The following STPG2 variants were observed in gnomAD, a reference collection of about 807,000 sequenced individuals.
STPG2 encodes the protein sperm tail PG-rich repeat containing 2, also known as sperm-tail PG-rich repeat-containing protein 2.
A neutral mutation model predicts 54.2 loss-of-function variants in STPG2; 56 were observed. The ratio of observed to expected loss-of-function variants is 1.03; its 90% confidence interval spans 0.83 to 1.29. The LOEUF (loss-of-function observed/expected upper bound fraction) is 1.29. STPG2 is among the 50% of genes most tolerant of loss of function. The pLI is 0.00. For synonymous variants in STPG2, 200 were observed against 181.8 expected (o/e 1.10, Z -0.81); for missense variants, 596 against 544.9 (o/e 1.09, Z -0.93).
chr4:97,638,556 C>A (rs1213785799), intron 10 of STPG2, among the ~76,000 whole-genome samples: 1 of 151,068 alleles, frequency 6.6e-6, no homozygotes, highest in East Asian at 1.9e-4. Flanking sequence ...AGTGAACAGG[C>A]AACCTACAAA....
rs182774603 is a variant in STPG2 at position 98,102,697 on chromosome 4, C to T, written c.612+3256G>A. Among the ~76,000 whole-genome samples, 1,080 of 151,886 alleles carry T rather than the reference C, an allele frequency of 7.1e-3. 15 individuals are homozygous for T. The highest frequency in any genetic ancestry group is 7.6e-3 in the Non-Finnish European group (518 of 67,950). On this transcript the variant is annotated intron_variant, in intron 5 of 10. Coordinates refer to ENST00000295268, the MANE Select transcript of STPG2 (RefSeq NM_174952.3). Reference sequence around the variant, plus strand: ...TATGCTCCCCCCAAAATTAAAATGTCTCTCATTCTGTTATCTTTTCAATCG... The same window carrying T: ...TATGCTCCCCCCAAAATTAAAATGTTTCTCATTCTGTTATCTTTTCAATCG...
intron 10 of STPG2, among the ~76,000 whole-genome samples, chr4:97,570,679 A>C (rs932119491): frequency 6.6e-6 from 1 of 152,194 alleles, no homozygotes; most frequent in African/African-American, 2.4e-5. Flanking sequence ...TACATTAACA[A>C]GGTTTACTCA....
At chr4:97,936,649 C>A (rs1270238432) in intron 8 of STPG2, among the ~76,000 whole-genome samples, 1 of 152,092 alleles carries the variant, frequency 6.6e-6, no homozygotes, top group Non-Finnish European at 1.5e-5. Flanking sequence ...CTTAGTTTGG[C>A]CAGATATGAA....
At chr4:98,046,548 T>G (rs1737134664) in intron 5 of STPG2, among the ~76,000 whole-genome samples, 1 of 152,118 alleles carries the variant, frequency 6.6e-6, no homozygotes, top group South Asian at 2.1e-4. Context: ...TCATCTTTGC[T>G]CTTACCGTCC....
At chr4:97,543,536 C>T (rs755107413) in intron 4 of STPG2, among the ~76,000 whole-genome samples, 15 of 151,986 alleles carry the variant, frequency 9.9e-5, no homozygotes, top group South Asian at 8.3e-4. Context: ...TGAAGAAACA[C>T]GCCAAACAAT....
chr4:98,129,889 C>T (rs1739934053), intron 2 of STPG2, among the ~76,000 whole-genome samples: 1 of 152,104 alleles, frequency 6.6e-6, no homozygotes, highest in African/African-American at 2.4e-5. Flanking sequence ...AGAGTTTTTG[C>T]TCTTGTTGCC....
chr4:97,816,691 A>T (rs1051932986), intron 9 of STPG2, among the ~76,000 whole-genome samples: 1 of 151,382 alleles, frequency 6.6e-6, no homozygotes, highest in African/African-American at 2.4e-5. Context: ...GGGAGAATCA[A>T]TCTATCTTCC....
At chr4:97,912,913 G>A (rs1731735812) in intron 8 of STPG2, among the ~76,000 whole-genome samples, 5 of 152,174 alleles carry the variant, frequency 3.3e-5, no homozygotes, top group Admixed American at 2.0e-4. Context: ...ACATCTAATT[G>A]TACTAATGAC....
intron 9 of STPG2, among the ~76,000 whole-genome samples, chr4:97,777,871 A>G (rs1453112252): frequency 6.6e-6 from 1 of 152,210 alleles, no homozygotes; most frequent in African/African-American, 2.4e-5. Flanking sequence ...TAGAGTATCA[A>G]ACTGAGATAT....
intron 2 of STPG2, among the ~76,000 whole-genome samples, chr4:98,132,358 T>G (rs1740020006): frequency 6.6e-6 from 1 of 152,076 alleles, no homozygotes; most frequent in African/African-American, 2.4e-5. Context: ...GCTTTTTAAA[T>G]GTACTTCATA....
intron 4 of STPG2, among the ~76,000 whole-genome samples, chr4:97,529,212 A>G (rs1276464392): frequency 6.6e-6 from 1 of 152,170 alleles, no homozygotes; most frequent in African/African-American, 2.4e-5. Context: ...ATTTTATCGA[A>G]TGCCTTTTCT....
intron 8 of STPG2, among the ~76,000 whole-genome samples, chr4:97,910,489 A>T (rs1731635407): frequency 6.6e-6 from 1 of 152,204 alleles, no homozygotes; most frequent in Non-Finnish European, 1.5e-5. Context: ...GTACCATATA[A>T]ACAGAACAGA....
At chr4:97,939,784 C>T (rs1732905929) in intron 8 of STPG2, among the ~76,000 whole-genome samples, 1 of 152,162 alleles carries the variant, frequency 6.6e-6, no homozygotes, top group Admixed American at 6.5e-5. Flanking sequence ...TTAACTGGGA[C>T]ATTTAGTCCA....
At chr4:97,707,375 G>T (rs927152470) in intron 10 of STPG2, among the ~76,000 whole-genome samples, 1 of 151,954 alleles carries the variant, frequency 6.6e-6, no homozygotes, top group Admixed American at 6.6e-5. Flanking sequence ...CAAAAAATTA[G>T]CCAGGTATGG....
At chr4:98,072,325 G>A (rs1037799109) in intron 5 of STPG2, among the ~76,000 whole-genome samples, 2 of 152,174 alleles carry the variant, frequency 1.3e-5, no homozygotes, top group Admixed American at 6.5e-5. Flanking sequence ...ACCAAACATC[G>A]TATGTTCTCA....
chr4:97,904,715 T>A (rs1446644448), intron 8 of STPG2, among the ~76,000 whole-genome samples: 2 of 152,046 alleles, frequency 1.3e-5, no homozygotes, highest in South Asian at 4.2e-4. Context: ...TTGAAAAAAA[T>A]TTAGAAGAAT....
At chr4:97,959,021 ACT>A (rs533724768) in intron 7 of STPG2, among the ~76,000 whole-genome samples, 118 of 152,262 alleles carry the variant, frequency 7.7e-4, no homozygotes, top group African/African-American at 2.6e-3. Flanking sequence ...TATTACAAGC[ACT>A]CTTTCAGACC....
chr4:97,445,078 T>C (rs1729187032), intron 4 of STPG2, among the ~76,000 whole-genome samples: 1 of 152,202 alleles, frequency 6.6e-6, no homozygotes, highest in Admixed American at 6.5e-5. Flanking sequence ...AATAATCTAT[T>C]GTGGAGTCAA....
intron 5 of STPG2, among the ~76,000 whole-genome samples, chr4:98,073,056 G>A (rs1169084141): frequency 6.6e-6 from 1 of 152,096 alleles, no homozygotes. Flanking sequence ...GGTTATCACA[G>A]GTATTATTAT....
Sources: gnomAD v4.1 joint callset for allele counts (sites outside exome capture counted in the v4.1 genomes callset) on GRCh38, gnomAD v4.1.1 for gene constraint, MANE v1.5 for transcripts, NCBI Gene and HGNC (gene_info 2026-07-23, HGNC 2026-07-21) for gene names.